The following LIPI variants were observed in gnomAD, a reference collection of about 807,000 sequenced individuals.
LIPI encodes the protein lipase I.
A neutral mutation model predicts 50.6 loss-of-function variants in LIPI; 59 were observed. That is an observed-to-expected ratio of 1.16 (90% CI 0.94 to 1.45). The LOEUF (loss-of-function observed/expected upper bound fraction) is 1.45. Ranked by LOEUF, LIPI falls within the 40% of genes most tolerant of loss-of-function variation. The probability of loss-of-function intolerance (pLI) is 0.00; values close to 1 mark genes in which losing one functional copy is unlikely to be tolerated. For missense variants in LIPI, 586 were observed against 536.3 expected (o/e 1.09, Z -0.92); for synonymous variants, 203 against 178.2 (o/e 1.14, Z -1.11).
intron 8 of LIPI, among the ~76,000 whole-genome samples, chr21:14,150,027 C>T (rs542744138): frequency 5.3e-5 from 8 of 152,310 alleles, no homozygotes; most frequent in Admixed American, 3.3e-4. Context: ...GGGCTCCAAT[C>T]CCACATTTCC....
At chr21:14,140,788 C>G (rs891104995) in intron 9 of LIPI, among the ~76,000 whole-genome samples, 1 of 151,988 alleles carries the variant, frequency 6.6e-6, no homozygotes, top group Non-Finnish European at 1.5e-5. Context: ...CATCAAATAT[C>G]TTTATTGTTG....
At chr21:14,187,802 TATTA>T (rs1285606046) in intron 2 of LIPI, among the ~76,000 whole-genome samples, 1 of 152,192 alleles carries the variant, frequency 6.6e-6, no homozygotes, top group East Asian at 1.9e-4. Flanking sequence ...AGCACATATA[TATTA>T]ATTCAATATT....
Position 14,189,190 on chromosome 21 carries a change from C to T in LIPI, c.276G>A (p.Trp92Ter), listed in dbSNP as rs2019564584. 6.2e-7 allele frequency: 1 copy of T among 1,614,084 alleles called. No individual in the cohort carries two copies. The highest frequency in any genetic ancestry group is 2.2e-5 in the East Asian group (1 of 44,870). The change falls in exon 2 of 10, where the codon TGG becomes TGA. Residue 92 changes from tryptophan (W) to a stop codon, truncating the protein, a stop_gained. Coordinates refer to ENST00000681601, the MANE Select transcript of LIPI (RefSeq NM_001302998.2). LOFTEE classifies it high-confidence loss of function. Reference protein sequence around the residue: ...GYRPVGSIPLWLQNFVRILLN... With the variant: ...GYRPVGSIPL ...GCAAAATCCTTACGAAGTTCTGAAG[C>T]CATAATGGGATGGAGCCTACTGGTC...
At chr21:14,185,055 T>C (rs1276938866) in intron 3 of LIPI, among the ~76,000 whole-genome samples, 3 of 152,312 alleles carry the variant, frequency 2.0e-5, no homozygotes, top group African/African-American at 7.2e-5. Flanking sequence ...TGCTTTTTTT[T>C]CAAAACAAAA....
In LIPI at chr21:14,185,983, A is replaced by G. The variant is rs2019440251; in HGVS notation, c.519T>C (p.His173=). Residue 173 remains histidine (H), a synonymous_variant, in exon 3 of 10, where the codon CAT becomes CAC. Coordinates refer to ENST00000681601, the MANE Select transcript of LIPI (RefSeq NM_001302998.2). ...TACCTGTTATTCTTCCAAGTTGACC[A>G]TGAAATATCTTTCCAACAAATCCAC... The part of the protein sequence containing the change: ...HISGFVGKIF[H]GQLGRITGLD... 3 of 1,577,536 alleles carry G rather than the reference A, an allele frequency of 1.9e-6. No homozygotes were observed. The highest frequency in any genetic ancestry group is 2.6e-6 in the Non-Finnish European group (3 of 1,147,306).
At position 14,166,341 on chromosome 21, in the gene LIPI, TC is replaced by T. The variant is rs1198800992; in HGVS notation, c.733+20del. The T allele has an allele frequency of 1.6e-6, 2 of 1,289,362 alleles. No homozygotes were observed. Among genetic ancestry groups the T allele is most frequent in the African/African-American group, 2.9e-5 (2 of 68,492 alleles). 79.9% of individuals were successfully genotyped at this position (1,289,362 alleles called of 1,614,324 possible). A position where few individuals can be genotyped will look rare whatever the true frequency, so the allele number is the denominator to read the frequency against. ...TCATTTCGAATATTATGTAGTTCAT[TC>T]AAAAATACTGTCAGTATACCTGAGA... On this transcript the variant is annotated intron_variant, in intron 5 of 9. Coordinates refer to ENST00000681601, the MANE Select transcript of LIPI (RefSeq NM_001302998.2).
chr21:14,151,655 G>A (rs191455912), intron 8 of LIPI, among the ~76,000 whole-genome samples: 116 of 152,224 alleles, frequency 7.6e-4, no homozygotes, highest in Non-Finnish European at 1.3e-3. Context: ...CTATATGGTA[G>A]TGTGCCCGTT....
intron 4 of LIPI, among the ~76,000 whole-genome samples, chr21:14,170,396 G>A (rs934018703): frequency 3.2e-4 from 49 of 151,998 alleles, no homozygotes; most frequent in African/African-American, 1.1e-3. Flanking sequence ...CCAAAGCCTG[G>A]CAGAGACACA....
chr21:14,143,104 G>T (rs1203113353), intron 9 of LIPI, among the ~76,000 whole-genome samples: 1 of 152,084 alleles, frequency 6.6e-6, no homozygotes, highest in African/African-American at 2.4e-5. Context: ...AAATACAGTA[G>T]CCCTTTACCA....
intron 9 of LIPI, among the ~76,000 whole-genome samples, chr21:14,124,643 T>C (rs1281228369): frequency 6.6e-6 from 1 of 152,242 alleles, no homozygotes; most frequent in African/African-American, 2.4e-5. Context: ...GTACGCTTCC[T>C]GCATCAAGTA....
At position 14,189,310 on chromosome 21, in the gene LIPI, G is replaced by A; in HGVS notation, c.156C>T (p.Asn52=). 6.2e-7 allele frequency: 1 copy of A among 1,613,606 alleles called. No individual in the cohort carries two copies. The highest frequency in any genetic ancestry group is 8.5e-7 in the Non-Finnish European group (1 of 1,179,588). Residue 52 remains asparagine, a synonymous_variant, in exon 2 of 10, where the codon AAC becomes AAT. Transcript: ENST00000681601. The part of the protein sequence containing the change: ...ETILMMYTRN[N]LNCAEPLFEQ... ...CAAACAGTGGCTCAGCACAGTTTAG[G>A]TTGTTCCTTGTATACATCATCAGAA...
chr21:14,169,925 G>C (rs1271405198), intron 4 of LIPI, among the ~76,000 whole-genome samples: 6 of 152,062 alleles, frequency 3.9e-5, no homozygotes. Flanking sequence ...GAATCCAGGA[G>C]CTGGTTTTTT....
chr21:14,115,116 C>T (rs1326029621), intron 9 of LIPI, among the ~76,000 whole-genome samples: 1 of 152,080 alleles, frequency 6.6e-6, no homozygotes, highest in Non-Finnish European at 1.5e-5. Flanking sequence ...CCGCTCCCCA[C>T]CCCCCATAGT....
At chr21:14,128,246 T>C (rs2017144936) in intron 9 of LIPI, among the ~76,000 whole-genome samples, 1 of 152,100 alleles carries the variant, frequency 6.6e-6, no homozygotes, top group South Asian at 2.1e-4. Flanking sequence ...GTTGCAGAAT[T>C]ACATATGAAT....
chr21:14,176,758 C>T (rs2019112274), intron 4 of LIPI, among the ~76,000 whole-genome samples: 1 of 148,790 alleles, frequency 6.7e-6, no homozygotes, highest in Admixed American at 6.7e-5. Flanking sequence ...ATAATGCCCT[C>T]ATAGCTCTGA....
At chr21:14,165,092 TG>T in intron 6 of LIPI, 130 bp downstream of exon 6, 1 of 689,072 alleles carries the variant, frequency 1.5e-6, no homozygotes, top group East Asian at 2.7e-5. Context: ...TCTCTACAGA[TG>T]ATTTTTCCAT....
intron 9 of LIPI, among the ~76,000 whole-genome samples, chr21:14,113,533 A>T (rs1469559886): frequency 6.6e-6 from 1 of 151,910 alleles, no homozygotes; most frequent in Non-Finnish European, 1.5e-5. Context: ...TACCAAAGCT[A>T]TCATCACACT....
chr21:14,142,031 A>G (rs969872809), intron 9 of LIPI, among the ~76,000 whole-genome samples: 13 of 152,316 alleles, frequency 8.5e-5, no homozygotes, highest in African/African-American at 3.1e-4. Context: ...TAATAAGGCA[A>G]CAAGGGGACA....
intron 7 of LIPI, among the ~76,000 whole-genome samples, chr21:14,162,838 A>T (rs1267642049): frequency 6.6e-6 from 1 of 151,878 alleles, no homozygotes; most frequent in Non-Finnish European, 1.5e-5. Context: ...CCTCCATAAG[A>T]TTCTTCACAT....
Sources: gnomAD v4.1 joint callset for allele counts (sites outside exome capture counted in the v4.1 genomes callset) on GRCh38, gnomAD v4.1.1 for gene constraint, MANE v1.5 for transcripts, NCBI Gene and HGNC (gene_info 2026-07-23, HGNC 2026-07-21) for gene names.